The following ZNF90 variants were observed in gnomAD, a reference collection of about 807,000 sequenced individuals.
ZNF90 encodes the protein zinc finger protein 90, also known as zinc finger protein HTF9.
A neutral mutation model predicts 12.0 loss-of-function variants in ZNF90; 11 were observed. The ratio of observed to expected loss-of-function variants is 0.92; its 90% CI spans 0.58 to 1.52. The LOEUF is 1.52. Among genes scored for constraint, ZNF90 ranks in the 40% most tolerant of loss-of-function variants. ZNF90 has a pLI of 0.00. For synonymous variants in ZNF90, 232 were observed against 240.1 expected, an observed-to-expected ratio of 0.97 and a Z score of 0.31; for missense variants, 765 against 711.5, an observed-to-expected ratio of 1.08 and a Z score of -0.86.
chr19:20,110,116 T>C (rs566576291), intron 3 of ZNF90, among the ~76,000 whole-genome samples: 1 of 152,326 alleles, frequency 6.6e-6, no homozygotes, highest in South Asian at 2.1e-4. Flanking sequence ...GACAAGATTG[T>C]TCTTTTTAAG....
intron 1 of ZNF90, among the ~76,000 whole-genome samples, chr19:20,097,548 C>T (rs2088958176): frequency 6.6e-6 from 1 of 152,142 alleles, no homozygotes; most frequent in Non-Finnish European, 1.5e-5. Context: ...CCCACAAACC[C>T]AATTAGAGTA....
chr19:20,107,225 C>G, intron 3 of ZNF90: 1 of 314,026 alleles, frequency 3.2e-6, no homozygotes, highest in South Asian at 2.6e-5. Context: ...TAATTGGGTG[C>G]CTTTCTCCAG....
chr19:20,118,740 C>A lies in ZNF90; in HGVS notation c.1186C>A (p.Pro396Thr), dbSNP rs1555706128. ...KHKISHSEKK[P>T]YKCEECGKAF... is the part of the protein sequence containing the mutation. ...TAAGATAAGTCATAGTGAAAAGAAA[C>A]CCTACAAATGTGAAGAATGTGGCAA... is the stretch of plus-strand genomic sequence containing the variant. Residue 396 changes from proline to threonine, a missense_variant, in exon 4 of 4, where the codon CCC (proline) becomes ACC (threonine). Coordinates refer to ENST00000418063, the MANE Select transcript of ZNF90 (RefSeq NM_007138.2). The A allele has an allele frequency of 1.2e-6, 2 of 1,608,908 alleles. No homozygotes were observed. The highest frequency in any genetic ancestry group is 1.7e-6 in the Non-Finnish European group (2 of 1,177,584).
chr19:20,081,769 CTTTT>C (rs200678868), intron 1 of ZNF90, among the ~76,000 whole-genome samples: 1 of 139,378 alleles, frequency 7.2e-6, no homozygotes, highest in Non-Finnish European at 1.5e-5. Flanking sequence ...TTTCTTTCTT[CTTTT>C]TTTTTTTTTG....
intron 1 of ZNF90, among the ~76,000 whole-genome samples, chr19:20,086,724 A>C (rs782024805): frequency 1.3e-5 from 2 of 152,246 alleles, no homozygotes; most frequent in Non-Finnish European, 2.9e-5. Flanking sequence ...TGACTAGTTC[A>C]TTAAAATGAT....
chr19:20,084,099 G>A (rs1347113007), intron 1 of ZNF90, among the ~76,000 whole-genome samples: 1 of 149,754 alleles, frequency 6.7e-6, no homozygotes, highest in Non-Finnish European at 1.5e-5. Flanking sequence ...AGTCTCCCAG[G>A]CTGGAGTGCA....
Position 20,089,477 on chromosome 19 carries a change from C to T in ZNF90, c.3+11342C>T, listed in dbSNP as rs528751599. On this transcript the variant is annotated intron_variant, in intron 1 of 3. Transcript: ENST00000418063. ...TTCAGTGATGTGTGTAGTTGGGCTTCGGAGATGAAGAGTAAAGGAACATCG... is the reference window on the plus strand; with the variant it reads ...TTCAGTGATGTGTGTAGTTGGGCTTTGGAGATGAAGAGTAAAGGAACATCG... Among the ~76,000 whole-genome samples, 42 of 152,004 alleles carry T rather than the reference C, an allele frequency of 2.8e-4. No homozygotes were observed. In the East Asian group the frequency reaches 6.8e-3, roughly 25 times the overall value.
rs1257013707 is a variant in ZNF90, at chr19:20,120,763, A to G, written c.*1403A>G. ...ATAGCTTTAAAAGGTTTTTTGAAGC[A>G]TTGTAATTACATTGAAAGTATACTT... On this transcript the variant is annotated 3_prime_UTR_variant, in exon 4 of 4. Coordinates refer to ENST00000418063, the MANE Select transcript of ZNF90 (RefSeq NM_007138.2). 6.6e-6 allele frequency: 1 copy of G among 152,190 alleles called. No individual in the cohort carries two copies. The highest frequency in any genetic ancestry group is 1.5e-5 in the Non-Finnish European group (1 of 68,032). 9.4% of individuals were successfully genotyped at this position (152,190 alleles called of 1,614,324 possible).
At chr19:20,098,865 A>T (rs2088968298) in intron 1 of ZNF90, among the ~76,000 whole-genome samples, 1 of 152,218 alleles carries the variant, frequency 6.6e-6, no homozygotes, top group Non-Finnish European at 1.5e-5. Context: ...TGGTACCCAG[A>T]TGAGAGTTTC....
chr19:20,117,764 C>CT lies in ZNF90; in HGVS notation c.227-15dup, dbSNP rs1555705845. The CT allele has an allele frequency of 4.7e-6, 7 of 1,482,046 alleles. No homozygotes were observed. The South Asian group carries it at 1.0e-4, about 22-fold the overall frequency. 91.8% of individuals were successfully genotyped at this position (1,482,046 alleles called of 1,614,324 possible). The stretch of plus-strand genomic sequence containing the variant: ...AATCTAGCAATTGAAGTAATGTGTT[C>CT]TTATTGTTTCTTTCAGTTATGTGTT... On this transcript the variant is annotated splice_polypyrimidine_tract_variant and intron_variant, in intron 3 of 3. Transcript: ENST00000418063.
rs551508737 is a variant in ZNF90 at position 20,113,010 on chromosome 19, T to C, written c.227-4771T>C. Among the ~76,000 whole-genome samples, 130 of 152,300 alleles carry C rather than the reference T, an allele frequency of 8.5e-4. 1 individual carries two copies. The highest frequency in any genetic ancestry group is 2.9e-3 in the African/African-American group (122 of 41,562). ...TTTTGTTTATAATTGTATATGACAA[T>C]ATTTAACTCTGTACCACTTAAGACA... On this transcript the variant is annotated intron_variant, in intron 3 of 3. Transcript: ENST00000418063.
At chr19:20,096,015 T>C (rs1599644964) in intron 1 of ZNF90, among the ~76,000 whole-genome samples, 2 of 150,814 alleles carry the variant, frequency 1.3e-5, no homozygotes, top group Non-Finnish European at 3.0e-5. Flanking sequence ...CCGTGACCGG[T>C]GCCGGAGTTT....
At chr19:20,111,135 TGTTA>T (rs1408427376) in intron 3 of ZNF90, among the ~76,000 whole-genome samples, 2 of 152,184 alleles carry the variant, frequency 1.3e-5, no homozygotes, top group African/African-American at 4.8e-5. Context: ...TGAAAGGATT[TGTTA>T]GTTATTTTAT....
rs113327735 is a variant in ZNF90 at position 20,079,937 on chromosome 19, C to CTT, written c.3+1816_3+1817dup. The CTT allele has an allele frequency of 8.3e-3, 2,678 of 321,488 alleles. 1 individual carries two copies. The highest frequency in any genetic ancestry group is 0.015 in the South Asian group (586 of 37,874). The allele number at this position is 321,488 out of a possible 1,614,324, so 19.9% of individuals were successfully genotyped here. On this transcript the variant is annotated intron_variant, in intron 1 of 3. Coordinates refer to ENST00000418063, the MANE Select transcript of ZNF90 (RefSeq NM_007138.2). ...TCTTTTTCCTTTCATCGTATTTCCT[C>CTT]TTTTTTTTTTTTTTTGAGATGAAGT...
intron 3 of ZNF90, 135 bp from the exon 4 acceptor site, chr19:20,117,646 G>A (rs2089151742): frequency 7.2e-7 from 1 of 1,380,800 alleles, no homozygotes; most frequent in Admixed American, 3.5e-5. Context: ...AGCAATTGAA[G>A]TAATGTGTTC....
At position 20,118,994 on chromosome 19, in the gene ZNF90, C is replaced by T. The variant is rs1555706221; in HGVS notation, c.1440C>T (p.Leu480=). 9 of 1,607,898 alleles carry T rather than the reference C, an allele frequency of 5.6e-6. No individual in the cohort carries two copies. Among genetic ancestry groups the T allele is most frequent in the Non-Finnish European group, 7.6e-6 (9 of 1,176,802 alleles). ...THKISHTEEK[L]YKCQECDKAF... ...AGATAAGTCATACTGAAGAGAAACT[C>T]TACAAATGTCAAGAATGTGACAAAG... Residue 480 remains leucine, a synonymous_variant, in exon 4 of 4, where the codon CTC becomes CTT. Coordinates refer to ENST00000418063, the MANE Select transcript of ZNF90 (RefSeq NM_007138.2).
intron 1 of ZNF90, among the ~76,000 whole-genome samples, chr19:20,092,301 C>T (rs1027793110): frequency 6.6e-5 from 10 of 152,142 alleles, no homozygotes; most frequent in African/African-American, 2.4e-4. Flanking sequence ...AGGGCCTCTA[C>T]AAGTATTAGG....
intron 3 of ZNF90, among the ~76,000 whole-genome samples, chr19:20,108,866 A>G (rs1568290034): frequency 6.6e-6 from 1 of 151,124 alleles, no homozygotes; most frequent in East Asian, 2.0e-4. Flanking sequence ...AGCTGGGACT[A>G]CAGGCGTGCC....
At position 20,085,549 on chromosome 19, in the gene ZNF90, C is replaced by T. The variant is rs111238183; in HGVS notation, c.3+7414C>T. ...TGCTGGGATTACAGGCTTGAGCCAC[C>T]GCGCCCGGCCAGTTGCATTGGTCTT... On this transcript the variant is annotated intron_variant, in intron 1 of 3. Coordinates refer to ENST00000418063, the MANE Select transcript of ZNF90 (RefSeq NM_007138.2). 4.2e-3 allele frequency among the ~76,000 whole-genome samples: 646 copies of T among 152,250 alleles called. 6 individuals carry two copies. The highest frequency in any genetic ancestry group is 0.015 in the African/African-American group (608 of 41,536).
Sources: gnomAD v4.1 joint callset for allele counts (sites outside exome capture counted in the v4.1 genomes callset) on GRCh38, gnomAD v4.1.1 for gene constraint, MANE v1.5 for transcripts, NCBI Gene and HGNC (gene_info 2026-07-23, HGNC 2026-07-21) for gene names.